The following RABGAP1L variants were observed in gnomAD, a reference collection of about 807,000 sequenced individuals.
RABGAP1L encodes the protein RAB GTPase activating protein 1 like, also known as rab GTPase-activating protein 1-like.
In RABGAP1L, 63 loss-of-function variants were observed where a neutral mutation model predicts 137.7. The observed-to-expected ratio is 0.46, with a 90% CI of 0.37 to 0.56. The LOEUF (loss-of-function observed/expected upper bound fraction) is 0.56, where lower values mean the gene tolerates loss of function less well. Ranked by LOEUF, RABGAP1L falls within the 20% of genes least tolerant of loss-of-function variation. RABGAP1L has a pLI of 0.00. For missense variants in RABGAP1L, 1,095 were observed against 1,244.0 expected (o/e 0.88, Z 1.80); for synonymous variants, 431 against 433.7 (o/e 0.99, Z 0.08).
chr1:174,790,088 T>TGA (rs1168203036), intron 18 of RABGAP1L, among the ~76,000 whole-genome samples: 4 of 151,780 alleles, frequency 2.6e-5, no homozygotes, highest in Non-Finnish European at 5.9e-5. Flanking sequence ...CTCACACCTG[T>TGA]GGTTCCAGCT....
intron 12 of RABGAP1L, among the ~76,000 whole-genome samples, chr1:174,391,813 A>G (rs922638589): frequency 6.6e-6 from 1 of 152,212 alleles, no homozygotes; most frequent in Non-Finnish European, 1.5e-5. Context: ...CTCATAATTT[A>G]GAATATTTTG....
At chr1:174,468,568 C>T (rs540680604) in intron 13 of RABGAP1L, among the ~76,000 whole-genome samples, 5 of 152,140 alleles carry the variant, frequency 3.3e-5, no homozygotes, top group Admixed American at 3.3e-4. Context: ...CATATGACAG[C>T]GTGGGCAGAT....
At chr1:174,905,933 A>G (rs1658998441) in intron 19 of RABGAP1L, among the ~76,000 whole-genome samples, 1 of 152,196 alleles carries the variant, frequency 6.6e-6, no homozygotes, top group Admixed American at 6.5e-5. Context: ...ATAGCCTACA[A>G]TATATAGAAA....
chr1:174,613,097 A>G (rs904520005), intron 13 of RABGAP1L, among the ~76,000 whole-genome samples: 2 of 149,966 alleles, frequency 1.3e-5, no homozygotes, highest in African/African-American at 4.9e-5. Flanking sequence ...GCCTTCTGCT[A>G]GCTTTTGAAT....
intron 11 of RABGAP1L, among the ~76,000 whole-genome samples, chr1:174,318,588 C>CTTTT (rs1205461262): frequency 7.9e-6 from 1 of 126,388 alleles, no homozygotes; most frequent in Non-Finnish European, 1.6e-5. Context: ...TGTTTTCTTT[C>CTTTT]TTTCTTTCTT....
At chr1:174,621,864 A>G (rs1416444469) in intron 13 of RABGAP1L, among the ~76,000 whole-genome samples, 3 of 152,222 alleles carry the variant, frequency 2.0e-5, no homozygotes, top group African/African-American at 7.2e-5. Context: ...GGATCTAATT[A>G]AACTAAAGAG....
At chr1:174,706,920 G>A (rs1204511228) in intron 17 of RABGAP1L, among the ~76,000 whole-genome samples, 3 of 152,122 alleles carry the variant, frequency 2.0e-5, no homozygotes, top group African/African-American at 7.2e-5. Flanking sequence ...GCATAGTTTA[G>A]TTTTCCATTC....
In RABGAP1L at chr1:174,841,860, C is replaced by CTT. The variant is rs757469241; in HGVS notation, c.2340+29911_2340+29912dup. Among the ~76,000 whole-genome samples, 862 of 144,692 alleles carry CTT rather than the reference C, an allele frequency of 6.0e-3. 8 individuals are homozygous for CTT. The highest frequency in any genetic ancestry group is 0.021 in the African/African-American group (817 of 39,652). The allele number at this position is 144,692 out of a possible 152,430, so 94.9% of individuals were successfully genotyped here. Reference sequence around the variant, plus strand: ...TAAACTATTAGCACAGAATAACTTTCTTTTTTTTTTTTGATATAGGAAGTC... The same window carrying CTT: ...TAAACTATTAGCACAGAATAACTTTCTTTTTTTTTTTTTTGATATAGGAAGTC... On this transcript the variant is annotated intron_variant, in intron 19 of 25. Transcript: ENST00000681986.
At chr1:174,475,308 T>G (rs2149317317) in intron 13 of RABGAP1L, among the ~76,000 whole-genome samples, 1 of 152,276 alleles carries the variant, frequency 6.6e-6, no homozygotes, top group East Asian at 1.9e-4. Context: ...TGTTATGCTT[T>G]TTTTTCTTTT....
chr1:174,932,410 T>C (rs902512002), intron 19 of RABGAP1L, among the ~76,000 whole-genome samples: 18 of 152,110 alleles, frequency 1.2e-4, no homozygotes, highest in African/African-American at 3.9e-4. Context: ...TTTCTCCATT[T>C]GAGTTTGTCT....
At chr1:174,176,872 A>T (rs1484604486) in intron 1 of RABGAP1L, among the ~76,000 whole-genome samples, 2 of 151,838 alleles carry the variant, frequency 1.3e-5, no homozygotes, top group Non-Finnish European at 2.9e-5. Flanking sequence ...TTGAGTCAGA[A>T]GTTTGGGACC....
intron 13 of RABGAP1L, among the ~76,000 whole-genome samples, chr1:174,442,643 A>G (rs750885964): frequency 2.6e-5 from 4 of 152,176 alleles, no homozygotes; most frequent in Non-Finnish European, 4.4e-5. Flanking sequence ...TACATGTGAT[A>G]TTTTGATACA....
At chr1:174,222,077 A>G (rs1254366512) in intron 3 of RABGAP1L, among the ~76,000 whole-genome samples, 1 of 149,332 alleles carries the variant, frequency 6.7e-6, no homozygotes, top group East Asian at 2.0e-4. Flanking sequence ...TGATCTGCCC[A>G]CCTCAGCCTC....
At chr1:174,716,504 T>C (rs915909946) in intron 17 of RABGAP1L, among the ~76,000 whole-genome samples, 4 of 152,204 alleles carry the variant, frequency 2.6e-5, no homozygotes, top group African/African-American at 9.7e-5. Context: ...CCAGGGCTTC[T>C]TAACCATATC....
intron 6 of RABGAP1L, among the ~76,000 whole-genome samples, chr1:174,251,865 T>C (rs936916955): frequency 9.2e-5 from 14 of 152,166 alleles, no homozygotes; most frequent in African/African-American, 3.4e-4. Flanking sequence ...TATTCCTAAA[T>C]TTGTTTTAAA....
At chr1:174,589,355 A>C (rs1669374073) in intron 13 of RABGAP1L, among the ~76,000 whole-genome samples, 1 of 151,938 alleles carries the variant, frequency 6.6e-6, no homozygotes, top group Non-Finnish European at 1.5e-5. Context: ...GTTGTTCATC[A>C]TTTGTCAGAT....
At chr1:174,786,562 C>T (rs1687458686) in intron 18 of RABGAP1L, among the ~76,000 whole-genome samples, 1 of 152,100 alleles carries the variant, frequency 6.6e-6, no homozygotes, top group Admixed American at 6.5e-5. Context: ...CATGAGAACC[C>T]CCACATTCCC....
intron 1 of RABGAP1L, among the ~76,000 whole-genome samples, chr1:174,197,930 TC>T (rs1418693682): frequency 6.6e-6 from 1 of 152,176 alleles, no homozygotes; most frequent in Non-Finnish European, 1.5e-5. Flanking sequence ...CAGCCATAGT[TC>T]CTGTTACAGA....
chr1:174,427,496 T>C (rs1652103055), intron 13 of RABGAP1L, among the ~76,000 whole-genome samples: 1 of 152,140 alleles, frequency 6.6e-6, no homozygotes, highest in South Asian at 2.1e-4. Flanking sequence ...TTCTGAGTTG[T>C]TCCCTATGCT....
Sources: allele counts gnomAD v4.1 joint callset (sites outside exome capture counted in the v4.1 genomes callset), GRCh38; gene constraint gnomAD v4.1.1; transcripts MANE v1.5; gene names NCBI Gene and HGNC (gene_info 2026-07-23, HGNC 2026-07-21).